Variants in ARHGAP6 observed in about 807,000 individuals in gnomAD.
ARHGAP6 encodes rho GTPase-activating protein 6.
In ARHGAP6, 16 loss-of-function variants were observed where a neutral mutation model predicts 55.7. The observed-to-expected ratio is 0.29, with a 90% CI of 0.19 to 0.44. ARHGAP6 has a LOEUF of 0.44. Among genes scored for constraint, ARHGAP6 ranks in the 20% least tolerant of loss-of-function variants. ARHGAP6 has a pLI of 1.00. For synonymous variants in ARHGAP6, 382 were observed against 360.9 expected (o/e 1.06, Z -0.66); for missense variants, 698 against 808.9 (o/e 0.86, Z 1.66).
intron 1 of ARHGAP6, among the ~76,000 whole-genome samples, chrX:11,307,535 C>T (rs1171672172): frequency 3.6e-5 from 4 of 112,241 alleles, no homozygotes; most frequent in Non-Finnish European, 7.5e-5. Flanking sequence ...CAAATTCAGG[C>T]TCTGCAGGTT....
chrX:11,557,527 C>A (rs2051333842), intron 1 of ARHGAP6, among the ~76,000 whole-genome samples: 1 of 109,068 alleles, frequency 9.2e-6, no homozygotes, highest in African/African-American at 3.3e-5. Flanking sequence ...GAAAAAATTC[C>A]ATGAAAAAAA....
intron 2 of ARHGAP6, among the ~76,000 whole-genome samples, chrX:11,219,337 A>G (rs1168497486): frequency 5.8e-5 from 6 of 103,446 alleles, no homozygotes; most frequent in Admixed American, 1.0e-4. Context: ...GAATAATGCC[A>G]CAATAAACAT....
intron 1 of ARHGAP6, among the ~76,000 whole-genome samples, chrX:11,256,108 G>A (rs1237968689): frequency 8.9e-6 from 1 of 112,230 alleles, no homozygotes; most frequent in Non-Finnish European, 1.9e-5. Context: ...GAAGTCACTC[G>A]CCTGGACGTG....
intron 1 of ARHGAP6, among the ~76,000 whole-genome samples, chrX:11,493,146 A>T (rs1423917826): frequency 8.9e-6 from 1 of 112,360 alleles, no homozygotes; most frequent in Non-Finnish European, 1.9e-5. Flanking sequence ...ATAGCAGCTT[A>T]AGCAATCCTA....
At chrX:11,221,914 GTC>G in intron 2 of ARHGAP6, among the ~76,000 whole-genome samples, 1 of 110,850 alleles carries the variant, frequency 9.0e-6, no homozygotes, top group Non-Finnish European at 1.9e-5. Flanking sequence ...AGGCCCAGTT[GTC>G]TGTTGTTCCC....
chrX:11,439,436 G>A (rs1379034846), intron 1 of ARHGAP6, among the ~76,000 whole-genome samples: 1 of 112,283 alleles, frequency 8.9e-6, no homozygotes, highest in Non-Finnish European at 1.9e-5. Flanking sequence ...AGTTGCCAGA[G>A]ACCAACTGCA....
intron 1 of ARHGAP6, among the ~76,000 whole-genome samples, chrX:11,595,297 A>G: frequency 9.2e-6 from 1 of 108,896 alleles, no homozygotes; most frequent in South Asian, 3.9e-4. Flanking sequence ...CTCAAGAGAA[A>G]AAAAAAAAAA....
At chrX:11,337,939 A>G (rs1288174436) in intron 1 of ARHGAP6, among the ~76,000 whole-genome samples, 1 of 111,648 alleles carries the variant, frequency 9.0e-6, no homozygotes, top group Non-Finnish European at 1.9e-5. Flanking sequence ...GTCAAAGAGG[A>G]AGCAGACATG....
intron 1 of ARHGAP6, among the ~76,000 whole-genome samples, chrX:11,594,353 T>C (rs931464119): frequency 8.9e-6 from 1 of 112,331 alleles, no homozygotes; most frequent in African/African-American, 3.2e-5. Flanking sequence ...TTACATTATA[T>C]AATAAATGCT....
intron 1 of ARHGAP6, among the ~76,000 whole-genome samples, chrX:11,600,815 T>C (rs2051960498): frequency 8.9e-6 from 1 of 111,802 alleles, no homozygotes; most frequent in Non-Finnish European, 1.9e-5. Flanking sequence ...TGAAGTGAGA[T>C]TGGCAAGGGA....
intron 1 of ARHGAP6, among the ~76,000 whole-genome samples, chrX:11,344,499 C>A (rs1331985415): frequency 9.3e-6 from 1 of 107,616 alleles, no homozygotes; most frequent in Non-Finnish European, 1.9e-5. Flanking sequence ...ATGGTGAAAC[C>A]CCATCTCTAC....
intron 1 of ARHGAP6, chrX:11,334,108 G>A (rs184358333): frequency 0.013 from 1,427 of 106,654 alleles, 10 homozygotes; most frequent in Middle Eastern, 0.029. Flanking sequence ...TACGCACTGT[G>A]GTTAAAAAAA....
chrX:11,584,439 G>A (rs1052703350), intron 1 of ARHGAP6, among the ~76,000 whole-genome samples: 1 of 111,617 alleles, frequency 9.0e-6, no homozygotes, highest in Non-Finnish European at 1.9e-5. Context: ...AATTTGCCAA[G>A]TATGTGATAT....
intron 1 of ARHGAP6, among the ~76,000 whole-genome samples, chrX:11,528,161 A>G (rs890618973): frequency 8.9e-6 from 1 of 112,138 alleles, no homozygotes; most frequent in Non-Finnish European, 1.9e-5. Flanking sequence ...AGCAATCGCT[A>G]CAGAACAAGG....
chrX:11,566,169 G>T (rs2051438972), intron 1 of ARHGAP6, among the ~76,000 whole-genome samples: 1 of 112,138 alleles, frequency 8.9e-6, no homozygotes, highest in South Asian at 3.7e-4. Context: ...TGTTCATGGT[G>T]CTGATAATCC....
chrX:11,629,477 G>A (rs73186403), intron 1 of ARHGAP6, among the ~76,000 whole-genome samples: 1,105 of 110,374 alleles, frequency 0.01, 12 homozygotes, highest in Middle Eastern at 0.023. Context: ...TTGGAACATG[G>A]AATAAAATGA....
At chrX:11,257,612 T>G (rs2047508776) in intron 1 of ARHGAP6, among the ~76,000 whole-genome samples, 1 of 112,378 alleles carries the variant, frequency 8.9e-6, no homozygotes, top group South Asian at 3.7e-4. Context: ...TCCTCCTGGT[T>G]AATTAATTCA....
intron 1 of ARHGAP6, among the ~76,000 whole-genome samples, chrX:11,545,216 G>T (rs1325106215): frequency 8.9e-6 from 1 of 112,218 alleles, no homozygotes; most frequent in Admixed American, 9.4e-5. Flanking sequence ...TAATTCTCCA[G>T]AATAAGAAAA....
At chrX:11,283,964 G>C (rs2147538676) in intron 1 of ARHGAP6, among the ~76,000 whole-genome samples, 1 of 111,975 alleles carries the variant, frequency 8.9e-6, no homozygotes, top group Admixed American at 9.5e-5. Context: ...CCAATACAAT[G>C]TCTTCCCAAT....
Sources: allele counts gnomAD v4.1 joint callset (sites outside exome capture counted in the v4.1 genomes callset), GRCh38; gene constraint gnomAD v4.1.1; transcripts MANE v1.5; gene names NCBI Gene and HGNC (gene_info 2026-07-23, HGNC 2026-07-21).